Variants in DNAH14 observed in about 807,000 individuals in gnomAD.
DNAH14 encodes the protein dynein axonemal heavy chain 14.
DNAH14 carries 478 observed loss-of-function variants against 520.9 expected under a neutral mutation model. That is an observed-to-expected ratio of 0.92 (90% CI 0.85 to 0.99). The LOEUF is 0.99. Ranked by LOEUF, DNAH14 falls within the 50% of genes least tolerant of loss-of-function variation. The probability of loss-of-function intolerance (pLI) is 0.00; values close to 1 mark genes in which losing one functional copy is unlikely to be tolerated. For synonymous variants in DNAH14, 1,581 were observed against 1,757.2 expected (o/e 0.90, Z 2.51); for missense variants, 4,831 against 5,234.5 (o/e 0.92, Z 2.38).
chr1:225,003,593 T>C (rs2063931603), intron 9 of DNAH14, among the ~76,000 whole-genome samples: 1 of 152,072 alleles, frequency 6.6e-6, no homozygotes. Context: ...TACTTGTAAA[T>C]CAACATCGTA....
intron 49 of DNAH14, 83 bp from the exon 50 acceptor site, chr1:225,270,652 T>G: frequency 1.7e-6 from 2 of 1,196,932 alleles, no homozygotes; most frequent in South Asian, 4.7e-5. Flanking sequence ...AAATGTTTTG[T>G]CCAATTTGGG....
chr1:225,079,554 T>C lies in DNAH14; in HGVS notation c.2766+6T>C. 9 of 1,500,246 alleles carry C rather than the reference T, an allele frequency of 6.0e-6. No individual in the cohort carries two copies. The highest frequency in any genetic ancestry group is 7.9e-6 in the Non-Finnish European group (9 of 1,132,540). The allele number at this position is 1,500,246 out of a possible 1,614,324, so 92.9% of individuals were successfully genotyped here. A position where few individuals can be genotyped will look rare whatever the true frequency, so the allele number is the denominator to read the frequency against. On this transcript the variant is annotated splice_donor_region_variant and intron_variant, in intron 18 of 85. Coordinates refer to ENST00000682510, the MANE Select transcript of DNAH14 (RefSeq NM_001367479.1). Reference sequence around the variant, plus strand: ...TTGGCAATTTAAAAGCCAAGGTAAGTTTTTAGGGTTTTTTTGGATTTTTTT... The same window carrying C: ...TTGGCAATTTAAAAGCCAAGGTAAGCTTTTAGGGTTTTTTTGGATTTTTTT...
Position 225,117,715 on chromosome 1 carries a change from C to T in DNAH14, c.3899C>T (p.Pro1300Leu), listed in dbSNP as rs1316487717. The T allele has an allele frequency of 6.5e-7, 1 of 1,549,176 alleles. No homozygotes were observed. The highest frequency in any genetic ancestry group is 2.0e-5 in the Admixed American group (1 of 50,922). Residue 1300 changes from proline to leucine, a missense_variant, in exon 24 of 86, where the codon CCA becomes CTA. Coordinates refer to ENST00000682510, the MANE Select transcript of DNAH14 (RefSeq NM_001367479.1). The stretch of plus-strand genomic sequence containing the variant: ...CTTGAAGTTAAAAGATTAATTTTCC[C>T]AAGATTTTACTTTCTTAGCAATGCC... ...DYLEVKRLIF[P>L]RFYFLSNAEL...
chr1:225,059,061 G>C (rs537237522), intron 17 of DNAH14, among the ~76,000 whole-genome samples: 4 of 152,336 alleles, frequency 2.6e-5, no homozygotes, highest in African/African-American at 9.6e-5. Flanking sequence ...GCAGAGCTGA[G>C]TTCAATTGCT....
At position 225,097,255 on chromosome 1, in the gene DNAH14, T is replaced by C. The variant is rs781176736; in HGVS notation, c.3695+16T>C. ...AAATACGAAGGTAAAATACCTAAAA[T>C]ATACCATATACAGGTTCAAAATGCA... On this transcript the variant is annotated intron_variant, in intron 22 of 85. Coordinates refer to ENST00000682510, the MANE Select transcript of DNAH14 (RefSeq NM_001367479.1). The C allele has an allele frequency of 9.8e-6, 15 of 1,535,866 alleles. No individual in the cohort carries two copies. In the South Asian group the frequency reaches 1.2e-4, roughly 13 times the overall value.
At chr1:225,025,698 T>C (rs554172040) in intron 11 of DNAH14, among the ~76,000 whole-genome samples, 2 of 152,126 alleles carry the variant, frequency 1.3e-5, no homozygotes, top group Admixed American at 6.6e-5. Context: ...GAGACTGCAG[T>C]GATCACTAAA....
chr1:225,141,397 A>G (rs1180709035), intron 28 of DNAH14, among the ~76,000 whole-genome samples: 1 of 145,672 alleles, frequency 6.9e-6, no homozygotes, highest in African/African-American at 2.5e-5. Flanking sequence ...ATAGTTATTT[A>G]TGTATAGGAA....
chr1:225,014,019 G>C (rs1395639480), intron 10 of DNAH14, among the ~76,000 whole-genome samples: 3 of 152,210 alleles, frequency 2.0e-5, no homozygotes, highest in East Asian at 3.9e-4. Context: ...AACTCCTGCA[G>C]CTAGCTCGGA....
Position 225,374,182 on chromosome 1 carries a change from T to TATATATATATATATATA in DNAH14, c.12319-505_12319-504insTATATATATATATATAA, listed in dbSNP as rs1263904206. On this transcript the variant is annotated intron_variant, in intron 77 of 85. Coordinates refer to ENST00000682510, the MANE Select transcript of DNAH14 (RefSeq NM_001367479.1). ...ATATATATATATATATATATATATA[T>TATATATATATATATATA]ACTATTCTAGTAAATATAAACTATT... 5.1e-5 allele frequency among the ~76,000 whole-genome samples: 5 copies of TATATATATATATATATA among 97,128 alleles called. 1 individual carries two copies. Among genetic ancestry groups the TATATATATATATATATA allele is most frequent in the Non-Finnish European group, 8.5e-5 (4 of 46,908 alleles). The allele number at this position is 97,128 out of a possible 152,430, so 63.7% of individuals were successfully genotyped here. A position where few individuals can be genotyped will look rare whatever the true frequency, so the allele number is the denominator to read the frequency against.
chr1:225,399,140 G>A lies in DNAH14; in HGVS notation c.13725G>A (p.Arg4575=). The A allele has an allele frequency of 1.3e-6, 2 of 1,551,720 alleles. No homozygotes were observed. Among genetic ancestry groups the A allele is most frequent in the Non-Finnish European group, 1.7e-6 (2 of 1,147,002 alleles). The stretch of plus-strand genomic sequence containing the variant: ...GCCCAGTTTACCAGACACCTGAGAG[G>A]TCAAGAATTTTGGCAACTACCGGTT... ...FECPVYQTPE[R]SRILATTGLP... Residue 4575 remains arginine (R), a synonymous_variant, in exon 86 of 86, where the codon AGG becomes AGA. Coordinates refer to ENST00000682510, the MANE Select transcript of DNAH14 (RefSeq NM_001367479.1).
intron 64 of DNAH14, among the ~76,000 whole-genome samples, chr1:225,330,184 A>T: frequency 6.6e-6 from 1 of 152,192 alleles, no homozygotes; most frequent in Non-Finnish European, 1.5e-5. Flanking sequence ...GAGAAAAGGG[A>T]ACCCTTATAC....
chr1:225,353,681 C>CAAATTCGAAGA (rs2095397323), intron 72 of DNAH14, 122 bp from the exon 73 acceptor site: 1 of 632,376 alleles, frequency 1.6e-6, no homozygotes, highest in South Asian at 1.8e-5. Context: ...CTTTAAAAGT[C>CAAATTCGAAGA]AGCCATGTTT....
chr1:225,111,237 T>C (rs2076454021), intron 23 of DNAH14, among the ~76,000 whole-genome samples: 1 of 152,094 alleles, frequency 6.6e-6, no homozygotes, highest in Non-Finnish European at 1.5e-5. Context: ...AACTATTGGA[T>C]TGTGGTCTAT....
Position 225,166,510 on chromosome 1 carries a change from C to G in DNAH14, c.5446-1429C>G, listed in dbSNP as rs145908669. Among the ~76,000 whole-genome samples the G allele has an allele frequency of 9.1e-3, 1,384 of 152,122 alleles. 10 individuals are homozygous for G. Among genetic ancestry groups the G allele is most frequent in the Non-Finnish European group, 0.014 (930 of 67,966 alleles). On this transcript the variant is annotated intron_variant, in intron 35 of 85. Coordinates refer to ENST00000682510, the MANE Select transcript of DNAH14 (RefSeq NM_001367479.1). ...GTTTTAATATTAAATTTGGAGTGAT[C>G]CAATTTTTTATTTAATGTTGCATTT...
intron 36 of DNAH14, among the ~76,000 whole-genome samples, chr1:225,176,184 A>ATT (rs2083312891): frequency 1.3e-5 from 2 of 152,172 alleles, no homozygotes; most frequent in South Asian, 4.1e-4. Context: ...TTTTTAAATT[A>ATT]TTTTTTAATT....
chr1:225,015,903 CCT>C (rs2065181700), intron 10 of DNAH14, among the ~76,000 whole-genome samples: 1 of 152,120 alleles, frequency 6.6e-6, no homozygotes, highest in Non-Finnish European at 1.5e-5. Context: ...GAAGCAACAG[CCT>C]GGGTTCCAGA....
At chr1:225,208,257 A>G (rs12079258) in intron 41 of DNAH14, among the ~76,000 whole-genome samples, 3,221 of 152,180 alleles carry the variant, frequency 0.021, 88 homozygotes, top group African/African-American at 0.062. Flanking sequence ...GTAACCCAGG[A>G]AAGTTGCAGT....
chr1:225,199,098 C>A (rs1248999936), intron 38 of DNAH14, among the ~76,000 whole-genome samples: 3 of 151,984 alleles, frequency 2.0e-5, no homozygotes, highest in African/African-American at 7.2e-5. Context: ...GGAATTTATC[C>A]ATCTCCTCTA....
chr1:225,360,655 A>T, intron 74 of DNAH14, 26 bp from the exon 75 acceptor site: 1 of 1,532,118 alleles, frequency 6.5e-7, no homozygotes, highest in Non-Finnish European at 8.9e-7. Flanking sequence ...TTACAGTTTT[A>T]TATACCTCTC....
Sources: allele counts gnomAD v4.1 joint callset (sites outside exome capture counted in the v4.1 genomes callset), GRCh38; gene constraint gnomAD v4.1.1; transcripts MANE v1.5; gene names NCBI Gene and HGNC (gene_info 2026-07-23, HGNC 2026-07-21).